Variants in ENTPD4 observed in about 807,000 individuals in gnomAD.
ENTPD4 encodes the protein ectonucleoside triphosphate diphosphohydrolase 4, also known as Golgi UDPase.
In ENTPD4, 60 loss-of-function variants were observed where a neutral mutation model predicts 79.1. That is an observed-to-expected ratio of 0.76 (90% CI 0.62 to 0.94). ENTPD4 has a LOEUF of 0.94. Ranked by LOEUF, ENTPD4 falls within the 40% of genes least tolerant of loss-of-function variation. ENTPD4 has a pLI of 0.00. For missense variants in ENTPD4, 772 were observed against 775.1 expected (o/e 1.00, Z 0.05); for synonymous variants, 276 against 292.0 (o/e 0.95, Z 0.56).
At chr8:23,442,552 C>T (rs1186426087) in intron 6 of ENTPD4, among the ~76,000 whole-genome samples, 3 of 151,890 alleles carry the variant, frequency 2.0e-5, no homozygotes, top group Non-Finnish European at 2.9e-5. Context: ...GGCATGGTGG[C>T]GGCGCCTGTA....
At position 23,432,786 on chromosome 8, in the gene ENTPD4, C is replaced by T. The variant is rs1349558003; in HGVS notation, c.*140G>A. The T allele has an allele frequency of 9.8e-6, 14 of 1,435,350 alleles. No individual in the cohort carries two copies. Among genetic ancestry groups the T allele is most frequent in the Non-Finnish European group, 1.3e-5 (14 of 1,098,978 alleles). The allele number at this position is 1,435,350 out of a possible 1,614,324, so 88.9% of individuals were successfully genotyped here. ...GTGCTGGGATTACAGGCGTGAGCCA[C>T]CGCGCTCGGCCTGCATTTTGTTTTT... is the stretch of plus-strand genomic sequence containing the variant. On this transcript the variant is annotated 3_prime_UTR_variant, in exon 13 of 13. Coordinates refer to ENST00000358689, the MANE Select transcript of ENTPD4 (RefSeq NM_004901.5).
chr8:23,437,607 T>C (rs1162882239), intron 9 of ENTPD4, among the ~76,000 whole-genome samples: 1 of 152,230 alleles, frequency 6.6e-6, no homozygotes, highest in African/African-American at 2.4e-5. Context: ...CTTGTGGTTT[T>C]ACCTAATACA....
intron 1 of ENTPD4, among the ~76,000 whole-genome samples, chr8:23,452,405 C>G (rs1396405720): frequency 2.0e-5 from 3 of 152,198 alleles, no homozygotes; most frequent in African/African-American, 7.2e-5. Flanking sequence ...ACTCAGGAAA[C>G]AGTCAACTCC....
In ENTPD4 at chr8:23,448,812, G is replaced by A; in HGVS notation, c.136C>T (p.Leu46Phe). The A allele has an allele frequency of 6.2e-7, 1 of 1,614,138 alleles. No individual in the cohort carries two copies. Among genetic ancestry groups the A allele is most frequent in the African/African-American group, 1.3e-5 (1 of 75,034 alleles). Residue 46 changes from leucine (L) to phenylalanine (F), a missense_variant, in exon 3 of 13, where the codon CTT becomes TTT. By Grantham distance (22) the Leu-to-Phe change is conservative. Coordinates refer to ENST00000358689, the MANE Select transcript of ENTPD4 (RefSeq NM_004901.5). Reference sequence around the variant, plus strand: ...ATTATGACAACAGAAAAATATAAAAGTGAAACAGCAGCAGCCAGGACACTA... The same window carrying A: ...ATTATGACAACAGAAAAATATAAAAATGAAACAGCAGCAGCCAGGACACTA... ...VISVLAAAVS[L>F]LYFSVVIIRN... is the part of the protein sequence containing the mutation.
Position 23,447,792 on chromosome 8 carries a change from A to C in ENTPD4, c.300T>G (p.Ser100=), listed in dbSNP as rs745773582. The change falls in exon 4 of 13, where the codon TCT becomes TCG. Residue 100 remains serine, a synonymous_variant. Transcript: ENST00000358689. The part of the protein sequence containing the change: ...GIVVDCGSSG[S]RVFVYCWPRH... Reference sequence around the variant, plus strand: ...TTGGCCAGCAGTAAACAAATACTCGAGACCCACTGCTACCACAGTCCACCA... The same window carrying C: ...TTGGCCAGCAGTAAACAAATACTCGCGACCCACTGCTACCACAGTCCACCA... 1 of 1,614,174 alleles carries C rather than the reference A, an allele frequency of 6.2e-7. No individual in the cohort carries two copies. The highest frequency in any genetic ancestry group is 1.3e-5 in the African/African-American group (1 of 75,058).
At position 23,457,174 on chromosome 8, in the gene ENTPD4, T is replaced by C. The variant is rs145790719; in HGVS notation, c.-98+383A>G. On this transcript the variant is annotated intron_variant, in intron 1 of 12. Transcript: ENST00000358689. ...AAGCGAAAACGACAAGACGAGCGAA[T>C]GTCATCATTTAAAGCGGCAGGCAGG... Among the ~76,000 whole-genome samples, 54 of 152,262 alleles carry C rather than the reference T, an allele frequency of 3.5e-4. 1 individual carries two copies. The East Asian group carries it at 9.8e-3, about 28-fold the overall frequency.
intron 4 of ENTPD4, among the ~76,000 whole-genome samples, chr8:23,445,283 C>G (rs906021595): frequency 6.6e-6 from 1 of 152,164 alleles, no homozygotes; most frequent in Admixed American, 6.5e-5. Flanking sequence ...CTCTGCCAGC[C>G]TGCCACAGCA....
At position 23,431,271 on chromosome 8, in the gene ENTPD4, A is replaced by G. The variant is rs373855843; in HGVS notation, c.*1655T>C. ...TACCTAGTTCCAAAGCCACTTTTATAATATCCTCAGTTATCTGTTATAGCA... is the reference window on the plus strand; with the variant it reads ...TACCTAGTTCCAAAGCCACTTTTATGATATCCTCAGTTATCTGTTATAGCA... On this transcript the variant is annotated 3_prime_UTR_variant, in exon 13 of 13. Transcript: ENST00000358689. 19 of 902,902 alleles carry G rather than the reference A, an allele frequency of 2.1e-5. No individual in the cohort carries two copies. The African/African-American group carries it at 2.7e-4, about 13-fold the overall frequency. 55.9% of individuals were successfully genotyped at this position (902,902 alleles called of 1,614,324 possible). A position where few individuals can be genotyped will look rare whatever the true frequency, so the allele number is the denominator to read the frequency against.
chr8:23,441,886 T>A, intron 7 of ENTPD4, 121 bp downstream of exon 7: 1 of 1,127,856 alleles, frequency 8.9e-7, no homozygotes, highest in Non-Finnish European at 1.3e-6. Flanking sequence ...CTGCAGCTGC[T>A]CTCATTCTAC....
Position 23,448,759 on chromosome 8 carries a change from T to C in ENTPD4, c.189A>G (p.Arg63=). ...TCTCTTACCTTTGAAATTTCTTGTCTCTGGTTAGTCGCCCATACTTATTTC... is the reference window on the plus strand; with the variant it reads ...TCTCTTACCTTTGAAATTTCTTGTCCCTGGTTAGTCGCCCATACTTATTTC... ...IIRNKYGRLT[R]DKKFQRYLAR... The change falls in exon 3 of 13, where the codon AGA becomes AGG. Residue 63 remains arginine, a synonymous_variant. Transcript: ENST00000358689. The C allele has an allele frequency of 6.2e-7, 1 of 1,614,092 alleles. No individual in the cohort carries two copies. The highest frequency in any genetic ancestry group is 8.5e-7 in the Non-Finnish European group (1 of 1,179,974).
At position 23,429,322 on chromosome 8, in the gene ENTPD4, C is replaced by A; in HGVS notation, c.*3604G>T. 1 of 985,062 alleles carries A rather than the reference C, an allele frequency of 1.0e-6. No individual in the cohort carries two copies. Among genetic ancestry groups the A allele is most frequent in the South Asian group, 4.7e-5 (1 of 21,290 alleles). 61.0% of individuals were successfully genotyped at this position (985,062 alleles called of 1,614,324 possible). A position where few individuals can be genotyped will look rare whatever the true frequency, so the allele number is the denominator to read the frequency against. Reference sequence around the variant, plus strand: ...CTTAAACAAAAAACATTTAAAGATGCTCCCTTGCTTTTTATAATTCCTAAC... The same window carrying A: ...CTTAAACAAAAAACATTTAAAGATGATCCCTTGCTTTTTATAATTCCTAAC... On this transcript the variant is annotated 3_prime_UTR_variant, in exon 13 of 13. Coordinates refer to ENST00000358689, the MANE Select transcript of ENTPD4 (RefSeq NM_004901.5).
chr8:23,441,453 G>A lies in ENTPD4; in HGVS notation c.882+116C>T, dbSNP rs564982501. 6.8e-4 allele frequency: 1,023 copies of A among 1,505,318 alleles called. 3 individuals are homozygous for A. The highest frequency in any genetic ancestry group is 3.5e-3 in the Middle Eastern group (18 of 5,162). The allele number at this position is 1,505,318 out of a possible 1,614,324, so 93.2% of individuals were successfully genotyped here. On this transcript the variant is annotated intron_variant, in intron 8 of 12. Coordinates refer to ENST00000358689, the MANE Select transcript of ENTPD4 (RefSeq NM_004901.5). Reference sequence around the variant, plus strand: ...TCTCCTTTCTCCTGGGTTGAGAGGCGGCACCTCAGCCAGCACAGTAAAGAT... The same window carrying A: ...TCTCCTTTCTCCTGGGTTGAGAGGCAGCACCTCAGCCAGCACAGTAAAGAT...
chr8:23,431,862 TGAAATATG>T lies in ENTPD4; in HGVS notation c.*1056_*1063del. ...CAAAACCACAGTGTTCTAATGCCACTGAAATATGGAATAAGGAGCGTAATTACCTGCGG... is the reference window on the plus strand; with the variant it reads ...CAAAACCACAGTGTTCTAATGCCACTGAATAAGGAGCGTAATTACCTGCGG... On this transcript the variant is annotated 3_prime_UTR_variant, in exon 13 of 13. Transcript: ENST00000358689. 1 of 985,428 alleles carries T rather than the reference TGAAATATG, an allele frequency of 1.0e-6. No homozygotes were observed. Among genetic ancestry groups the T allele is most frequent in the Non-Finnish European group, 1.2e-6 (1 of 829,916 alleles). 61.0% of individuals were successfully genotyped at this position (985,428 alleles called of 1,614,324 possible).
Position 23,430,701 on chromosome 8 carries a change from T to C in ENTPD4, c.*2225A>G, listed in dbSNP as rs989900105. 5.1e-6 allele frequency: 5 copies of C among 985,498 alleles called. No homozygotes were observed. The highest frequency in any genetic ancestry group is 5.2e-4 in the Middle Eastern group (1 of 1,916). The allele number at this position is 985,498 out of a possible 1,614,324, so 61.0% of individuals were successfully genotyped here. ...CTCAGGTATGTGACTAACTCTTCTATGCCCAGAGCTGGAAGGCGGGGTCCC... is the reference window on the plus strand; with the variant it reads ...CTCAGGTATGTGACTAACTCTTCTACGCCCAGAGCTGGAAGGCGGGGTCCC... On this transcript the variant is annotated 3_prime_UTR_variant, in exon 13 of 13. Coordinates refer to ENST00000358689, the MANE Select transcript of ENTPD4 (RefSeq NM_004901.5).
intron 1 of ENTPD4, among the ~76,000 whole-genome samples, chr8:23,454,850 A>G (rs559625984): frequency 3.6e-4 from 55 of 152,366 alleles, no homozygotes; most frequent in Admixed American, 1.6e-3. Flanking sequence ...TCAGGACAAA[A>G]GTACAATGGA....
At chr8:23,452,553 T>C (rs1800884066) in intron 1 of ENTPD4, among the ~76,000 whole-genome samples, 1 of 152,236 alleles carries the variant, frequency 6.6e-6, no homozygotes, top group African/African-American at 2.4e-5. Flanking sequence ...TAGCCACCTT[T>C]GAAGTGCTTA....
chr8:23,439,178 C>T (rs1800625320), intron 9 of ENTPD4, among the ~76,000 whole-genome samples: 1 of 152,152 alleles, frequency 6.6e-6, no homozygotes, highest in Admixed American at 6.5e-5. Context: ...TTCTATACCA[C>T]AATTCTTCAT....
chr8:23,442,452 G>A (rs901533534), intron 6 of ENTPD4, among the ~76,000 whole-genome samples: 4 of 152,114 alleles, frequency 2.6e-5, no homozygotes, highest in Non-Finnish European at 5.9e-5. Flanking sequence ...TTGTGAGGCC[G>A]AGGCAGGCAG....
chr8:23,447,961 A>G (rs2117299728), intron 3 of ENTPD4, 76 bp from the exon 4 acceptor site: 1 of 1,181,598 alleles, frequency 8.5e-7, no homozygotes, highest in East Asian at 2.3e-5. Context: ...AATGCAGCAA[A>G]TACCAAGTCA....
Sources: gnomAD v4.1 joint callset for allele counts (sites outside exome capture counted in the v4.1 genomes callset) on GRCh38, gnomAD v4.1.1 for gene constraint, MANE v1.5 for transcripts, NCBI Gene and HGNC (gene_info 2026-07-23, HGNC 2026-07-21) for gene names.